DHH: variants seen among roughly 807,000 people sequenced by gnomAD.
The protein encoded by DHH is desert hedgehog protein.
A neutral mutation model predicts 27.6 loss-of-function variants in DHH; 16 were observed. The observed-to-expected ratio is 0.58, with a 90% CI of 0.39 to 0.88. The LOEUF is 0.88. Ranked by LOEUF, DHH falls within the 40% of genes least tolerant of loss-of-function variation. DHH has a pLI of 0.00. For missense variants in DHH, 436 were observed against 563.1 expected (o/e 0.77, Z 2.28); for synonymous variants, 289 against 263.4 (o/e 1.10, Z -0.94).
chr12:49,088,650 G>C lies in DHH; in HGVS notation c.*1209C>G, dbSNP rs1309895942. Reference sequence around the variant, plus strand: ...TGCCTGGATTCCAGGTGTCTACTGCGTTGGAACCTAAAGGTTCCAAAAACA... The same window carrying C: ...TGCCTGGATTCCAGGTGTCTACTGCCTTGGAACCTAAAGGTTCCAAAAACA... On this transcript the variant is annotated 3_prime_UTR_variant, in exon 3 of 3. Coordinates refer to ENST00000649637, the MANE Select transcript of DHH (RefSeq NM_021044.4). Among the ~76,000 whole-genome samples, 1 of 152,122 alleles carries C rather than the reference G, an allele frequency of 6.6e-6. No individual in the cohort carries two copies. The highest frequency in any genetic ancestry group is 1.5e-5 in the Non-Finnish European group (1 of 68,012).
Position 49,089,721 on chromosome 12 carries a change from C to T in DHH, c.*138G>A, listed in dbSNP as rs1232013745. ...CTCTCAGTACGAGGTTGCCCCTAAG[C>T]CAGGCATAGCCCCATTTTCTCCCTC... is the stretch of plus-strand genomic sequence containing the variant. On this transcript the variant is annotated 3_prime_UTR_variant, in exon 3 of 3. Coordinates refer to ENST00000649637, the MANE Select transcript of DHH (RefSeq NM_021044.4). 3 of 1,246,630 alleles carry T rather than the reference C, an allele frequency of 2.4e-6. No individual in the cohort carries two copies. The highest frequency in any genetic ancestry group is 2.1e-6 in the Non-Finnish European group (2 of 939,774). The allele number at this position is 1,246,630 out of a possible 1,614,324, so 77.2% of individuals were successfully genotyped here. A position where few individuals can be genotyped will look rare whatever the true frequency, so the allele number is the denominator to read the frequency against.
chr12:49,094,752 GGTGA>G lies in DHH; in HGVS notation c.-244_-241del. ...ATCATAGCAGGGAAGGGGGGTCGTGGGTGAGTGCCAGCCCAGCCCGTCTCTGCTG... is the reference window on the plus strand; with the variant it reads ...ATCATAGCAGGGAAGGGGGGTCGTGGGTGCCAGCCCAGCCCGTCTCTGCTG... On this transcript the variant is annotated 5_prime_UTR_variant, in exon 1 of 3. Transcript: ENST00000649637. 1.7e-6 allele frequency: 1 copy of G among 603,944 alleles called. No homozygotes were observed. Among genetic ancestry groups the G allele is most frequent in the Admixed American group, 2.8e-5 (1 of 35,916 alleles). The allele number at this position is 603,944 out of a possible 1,614,324, so 37.4% of individuals were successfully genotyped here.
chr12:49,092,342 G>C (rs1939319120), intron 1 of DHH: 1 of 152,306 alleles, frequency 6.6e-6, no homozygotes. Flanking sequence ...CCCCCTGCAG[G>C]GTGAGAGCGG....
At chr12:49,094,146 G>A in intron 1 of DHH, 64 bp downstream of exon 1, 1 of 1,583,580 alleles carries the variant, frequency 6.3e-7, no homozygotes, top group Non-Finnish European at 8.7e-7. Context: ...ACCCACCTGG[G>A]CTGCCATAGG....
chr12:49,094,303 GC>G lies in DHH; in HGVS notation c.209del (p.Gly70AlafsTer29). 6.2e-7 allele frequency: 1 copy of G among 1,613,370 alleles called. No individual in the cohort carries two copies. Among genetic ancestry groups the G allele is most frequent in the Non-Finnish European group, 8.5e-7 (1 of 1,179,946 alleles). On this transcript the variant is annotated frameshift_variant, in exon 1 of 3. Coordinates refer to ENST00000649637, the MANE Select transcript of DHH (RefSeq NM_021044.4). LOFTEE classifies it high-confidence loss of function. ...SGPAEGRVAR[G>X]SERFRDLVPN... ...GCACGAGGTCCCGGAAGCGCTCGGA[GC>G]CCCTTGCCACCCTCCCCTCCGCTGG...
At position 49,094,604 on chromosome 12, in the gene DHH, C is replaced by T; in HGVS notation, c.-92G>A. The T allele has an allele frequency of 1.4e-6, 2 of 1,420,998 alleles. No homozygotes were observed. The highest frequency in any genetic ancestry group is 1.9e-6 in the Non-Finnish European group (2 of 1,031,414). 88.0% of individuals were successfully genotyped at this position (1,420,998 alleles called of 1,614,324 possible). On this transcript the variant is annotated 5_prime_UTR_variant, in exon 1 of 3. Transcript: ENST00000649637. ...TCTCCACAGGCACCAGAGAGGGCAG[C>T]AGGCACAGCTGCCCCCAGAGTGCCC... is the stretch of plus-strand genomic sequence containing the variant.
At position 49,089,656 on chromosome 12, in the gene DHH, G is replaced by A. The variant is rs1939258994; in HGVS notation, c.*203C>T. 1 of 525,714 alleles carries A rather than the reference G, an allele frequency of 1.9e-6. No homozygotes were observed. Among genetic ancestry groups the A allele is most frequent in the East Asian group, 3.3e-5 (1 of 30,056 alleles). 32.6% of individuals were successfully genotyped at this position (525,714 alleles called of 1,614,324 possible). On this transcript the variant is annotated 3_prime_UTR_variant, in exon 3 of 3. Transcript: ENST00000649637. ...CTAAATAGTCCTCTTTAAGGAGTGC[G>A]CACCATCAGCCCTACCTACCTAGGA... is the stretch of plus-strand genomic sequence containing the variant.
chr12:49,090,498 C>T lies in DHH; in HGVS notation c.566-14G>A. 6.3e-7 allele frequency: 1 copy of T among 1,597,922 alleles called. No homozygotes were observed. The highest frequency in any genetic ancestry group is 8.5e-7 in the Non-Finnish European group (1 of 1,179,614). ...CCAGTGAGTTATCTGCAGGGAACAA[C>T]CACAGGGAGGATTGAATCAAGACCA... On this transcript the variant is annotated splice_polypyrimidine_tract_variant and intron_variant, in intron 2 of 2. Coordinates refer to ENST00000649637, the MANE Select transcript of DHH (RefSeq NM_021044.4). This position sits in a 1 kb window ranked among gnomAD's most constrained non-coding sequence, Gnocchi z 5.2.
In DHH at chr12:49,089,071, G is replaced by C. The variant is rs1384657850; in HGVS notation, c.*788C>G. ...CCAGGACTACTGGCTAACAATAGGG[G>C]ACTAGATGCTTTGAGTATCAGTACT... On this transcript the variant is annotated 3_prime_UTR_variant, in exon 3 of 3. Transcript: ENST00000649637. Among the ~76,000 whole-genome samples, 1 of 152,254 alleles carries C rather than the reference G, an allele frequency of 6.6e-6. No individual in the cohort carries two copies. The highest frequency in any genetic ancestry group is 6.5e-5 in the Admixed American group (1 of 15,288).
rs1939241777 is a variant in DHH, at chr12:49,088,444, GTA to G, written c.*1413_*1414del. On this transcript the variant is annotated 3_prime_UTR_variant, in exon 3 of 3. Coordinates refer to ENST00000649637, the MANE Select transcript of DHH (RefSeq NM_021044.4). ...CTCTTGAAGGCCACCAGAGGGCGGT[GTA>G]TAGCAGGGACCCTGTGCGATGGGAG... 1.3e-5 allele frequency among the ~76,000 whole-genome samples: 2 copies of G among 152,300 alleles called. No individual in the cohort carries two copies. Among genetic ancestry groups the G allele is most frequent in the South Asian group, 4.1e-4 (2 of 4,830 alleles).
At position 49,089,782 on chromosome 12, in the gene DHH, T is replaced by G; in HGVS notation, c.*77A>C. The G allele has an allele frequency of 7.0e-7, 1 of 1,423,790 alleles. No individual in the cohort carries two copies. Among genetic ancestry groups the G allele is most frequent in the African/African-American group, 1.5e-5 (1 of 68,614 alleles). The allele number at this position is 1,423,790 out of a possible 1,614,324, so 88.2% of individuals were successfully genotyped here. A position where few individuals can be genotyped will look rare whatever the true frequency, so the allele number is the denominator to read the frequency against. On this transcript the variant is annotated 3_prime_UTR_variant, in exon 3 of 3. Transcript: ENST00000649637. ...TCCCTCCCTTCCAGTCGGCATCGTC[T>G]GCTGCCCACAGCCCCATATCTCAGC...
rs1173322123 is a variant in DHH, at chr12:49,088,005, C to T, written c.*1854G>A. On this transcript the variant is annotated 3_prime_UTR_variant, in exon 3 of 3. Coordinates refer to ENST00000649637, the MANE Select transcript of DHH (RefSeq NM_021044.4). ...ACCAAAGGTAAACTTGACCTGCTTC[C>T]AAATATTGCCTTTATCAAGCACTAC... Among the ~76,000 whole-genome samples the T allele has an allele frequency of 1.3e-5, 2 of 152,084 alleles. No individual in the cohort carries two copies. The highest frequency in any genetic ancestry group is 3.8e-4 in the East Asian group (2 of 5,200).
rs1565575167 is a variant in DHH at position 49,094,218 on chromosome 12, T to C, written c.295A>G (p.Met99Val). 6.2e-7 allele frequency: 1 copy of C among 1,613,446 alleles called. No individual in the cohort carries two copies. The highest frequency in any genetic ancestry group is 8.5e-7 in the Non-Finnish European group (1 of 1,179,996). The change falls in exon 1 of 3, where the codon ATG (methionine) becomes GTG (valine). Residue 99 changes from methionine to valine, a missense_variant. Met to Val is a conservative substitution (Grantham distance 21). Coordinates refer to ENST00000649637, the MANE Select transcript of DHH (RefSeq NM_021044.4). Reference sequence around the variant, plus strand: ...GGAGAGGCCCTCCTTACCTCGGTCATCAGGCGGTCGGCTCCACTGTTCTCC... The same window carrying C: ...GGAGAGGCCCTCCTTACCTCGGTCACCAGGCGGTCGGCTCCACTGTTCTCC... ...DEENSGADRL[M>V]TERCKERVNA...
Position 49,090,216 on chromosome 12 carries a change from C to G in DHH, c.834G>C (p.Gly278=). The change falls in exon 3 of 3, where the codon GGG becomes GGC. Residue 278 remains glycine, a synonymous_variant. Transcript: ENST00000649637. The surrounding 1 kb of genome is among the most constrained non-coding windows in gnomAD (Gnocchi z 5.2). ...CAAAGTCGCCTGGCGCGGGCGCCGG[C>G]CCTCGAGCGGCAAACACCAGGTGCC... ...TPWHLVFAAR[G]PAPAPGDFAP... 1.9e-6 allele frequency: 3 copies of G among 1,554,100 alleles called. No homozygotes were observed. The East Asian group carries it at 7.3e-5, about 38-fold the overall frequency.
Position 49,094,346 on chromosome 12 carries a change from G to T in DHH, c.167C>A (p.Thr56Asn). Residue 56 changes from threonine (T) to asparagine (N), a missense_variant, in exon 1 of 3, where the codon ACC becomes AAC. Physicochemically the swap from Thr to Asn is moderately conservative, Grantham distance 65. Coordinates refer to ENST00000649637, the MANE Select transcript of DHH (RefSeq NM_021044.4). ...KQFVPGVPER[T>N]LGASGPAEGR... is the part of the protein sequence containing the mutation. ...CTCCGCTGGCCCACTGGCGCCCAGG[G>T]TCCGCTCTGGCACGCCGGGCACAAA... The T allele has an allele frequency of 6.2e-7, 1 of 1,613,108 alleles. No homozygotes were observed. Among genetic ancestry groups the T allele is most frequent in the Non-Finnish European group, 8.5e-7 (1 of 1,179,924 alleles).
At position 49,089,742 on chromosome 12, in the gene DHH, C is replaced by G; in HGVS notation, c.*117G>C. 2 of 1,352,924 alleles carry G rather than the reference C, an allele frequency of 1.5e-6. No homozygotes were observed. The highest frequency in any genetic ancestry group is 1.9e-6 in the Non-Finnish European group (2 of 1,032,816). The allele number at this position is 1,352,924 out of a possible 1,614,324, so 83.8% of individuals were successfully genotyped here. On this transcript the variant is annotated 3_prime_UTR_variant, in exon 3 of 3. Coordinates refer to ENST00000649637, the MANE Select transcript of DHH (RefSeq NM_021044.4). Reference sequence around the variant, plus strand: ...TAAGCCAGGCATAGCCCCATTTTCTCCCTCCCCCTCCCTCTCCCTCCCTTC... The same window carrying G: ...TAAGCCAGGCATAGCCCCATTTTCTGCCTCCCCCTCCCTCTCCCTCCCTTC...
chr12:49,094,430 CCCCGG>C lies in DHH; in HGVS notation c.78_82del (p.Arg27AlafsTer62). ...CGCATAGCGGCGCCGGCCAACCGGCCCCCGGCCCGGCCCGCAGCTCTGGGCTGGCA... is the reference window on the plus strand; with the variant it reads ...CGCATAGCGGCGCCGGCCAACCGGCCCCCGGCCCGCAGCTCTGGGCTGGCA... On this transcript the variant is annotated frameshift_variant, in exon 1 of 3. Transcript: ENST00000649637. LOFTEE classifies it high-confidence loss of function. 1 of 1,606,078 alleles carries C rather than the reference CCCCGG, an allele frequency of 6.2e-7. No homozygotes were observed. Among genetic ancestry groups the C allele is most frequent in the Non-Finnish European group, 8.5e-7 (1 of 1,176,750 alleles).
At position 49,087,702 on chromosome 12, in the gene DHH, C is replaced by G. The variant is rs1282398021; in HGVS notation, c.*2157G>C. Among the ~76,000 whole-genome samples, 1 of 152,112 alleles carries G rather than the reference C, an allele frequency of 6.6e-6. No individual in the cohort carries two copies. The highest frequency in any genetic ancestry group is 1.5e-5 in the Non-Finnish European group (1 of 68,018). On this transcript the variant is annotated 3_prime_UTR_variant, in exon 3 of 3. Transcript: ENST00000649637. ...TGGGCAACAGAGCGAGATCCTGTCT[C>G]TTTAAAAAATACATGTATATATATA...
chr12:49,087,192 A>ATTTT lies in DHH; in HGVS notation c.*2663_*2666dup, dbSNP rs57658147. Among the ~76,000 whole-genome samples the ATTTT allele has an allele frequency of 1.4e-5, 2 of 146,314 alleles. No individual in the cohort carries two copies. The highest frequency in any genetic ancestry group is 5.0e-5 in the African/African-American group (2 of 39,888). ...ATTGCCGCTTGAAGGCAAGTCATGGATTTTTTTTTTTTTTGAGAGTTAGGA... is the reference window on the plus strand; with the variant it reads ...ATTGCCGCTTGAAGGCAAGTCATGGATTTTTTTTTTTTTTTTTTGAGAGTTAGGA... On this transcript the variant is annotated 3_prime_UTR_variant, in exon 3 of 3. Transcript: ENST00000649637.
Sources: gnomAD v4.1 joint callset for allele counts (sites outside exome capture counted in the v4.1 genomes callset) on GRCh38, gnomAD v4.1.1 for gene constraint, Gnocchi (gnomAD v3.1) non-coding constraint, MANE v1.5 for transcripts, NCBI Gene and HGNC (gene_info 2026-07-23, HGNC 2026-07-21) for gene names.